PBX1: variants seen among roughly 807,000 people sequenced by gnomAD.
PBX1 encodes the protein PBX homeobox 1, also known as pre-B-cell leukemia transcription factor 1.
Under a neutral mutation model 53.4 loss-of-function variants are expected in PBX1, and 6 were observed. That is an observed-to-expected ratio of 0.11 (90% confidence interval 0.06 to 0.22). The LOEUF (loss-of-function observed/expected upper bound fraction) is 0.22. Among genes scored for constraint, PBX1 ranks in the 10% least tolerant of loss-of-function variants. The pLI is 1.00. For synonymous variants in PBX1, 204 were observed against 212.3 expected (o/e 0.96, Z 0.34); for missense variants, 251 against 551.4 (o/e 0.46, Z 5.46).
At chr1:164,778,464 G>A (rs950932095) in intron 2 of PBX1, among the ~76,000 whole-genome samples, 1 of 151,990 alleles carries the variant, frequency 6.6e-6, no homozygotes, top group African/African-American at 2.4e-5. Context: ...GGCAAAATAG[G>A]GAGGCCCTAT....
intron 2 of PBX1, among the ~76,000 whole-genome samples, chr1:164,607,893 T>TAAG (rs1656666360): frequency 6.6e-6 from 1 of 152,240 alleles, no homozygotes; most frequent in Non-Finnish European, 1.5e-5. Flanking sequence ...TCTGGGCTCT[T>TAAG]ATACTTCTAT....
intron 8 of PBX1, among the ~76,000 whole-genome samples, chr1:164,822,590 G>A (rs1346919483): frequency 2.6e-5 from 4 of 152,196 alleles, no homozygotes; most frequent in Admixed American, 2.6e-4. Flanking sequence ...CTCTTCAACT[G>A]CGTTGGTCAA....
At chr1:164,868,082 G>A (rs1351665675) in intron 2 of PBX1, among the ~76,000 whole-genome samples, 1 of 152,208 alleles carries the variant, frequency 6.6e-6, no homozygotes, top group Non-Finnish European at 1.5e-5. Flanking sequence ...CATGTGGGAG[G>A]AAGAAGAGAA....
intron 2 of PBX1, among the ~76,000 whole-genome samples, chr1:164,623,446 G>A (rs1353109427): frequency 6.6e-6 from 1 of 152,188 alleles, no homozygotes; most frequent in East Asian, 1.9e-4. Flanking sequence ...TCTTGTCTAG[G>A]AAATTTTTAA....
At chr1:164,678,613 A>G (rs1661573982) in intron 2 of PBX1, among the ~76,000 whole-genome samples, 1 of 152,184 alleles carries the variant, frequency 6.6e-6, no homozygotes, top group African/African-American at 2.4e-5. Flanking sequence ...GGCTAACCCC[A>G]CATCCCTGCA....
intron 2 of PBX1, among the ~76,000 whole-genome samples, chr1:164,616,797 T>C (rs1006128945): frequency 3.3e-5 from 5 of 152,258 alleles, no homozygotes; most frequent in Non-Finnish European, 7.3e-5. Context: ...ATACTCATCA[T>C]GTGCTAGGCA....
chr1:164,564,752 A>G (rs1215127502), intron 2 of PBX1, among the ~76,000 whole-genome samples: 1 of 151,964 alleles, frequency 6.6e-6, no homozygotes, highest in African/African-American at 2.4e-5. Context: ...AGTTTTTTCC[A>G]GTTTGTCACA....
At position 164,849,647 on chromosome 1, in the gene PBX1, A is replaced by C; in HGVS notation, c.*2971A>C. The stretch of plus-strand genomic sequence containing the variant: ...TTTGCCCACCTTGTAACTCTTCCTT[A>C]TCTCCTCCTTTTCATCCCTAATCCA... On this transcript the variant is annotated 3_prime_UTR_variant, in exon 9 of 9. Transcript: ENST00000420696. 2.2e-6 allele frequency: 1 copy of C among 459,166 alleles called. No individual in the cohort carries two copies. Among genetic ancestry groups the C allele is most frequent in the Non-Finnish European group, 3.8e-6 (1 of 263,004 alleles). 28.4% of individuals were successfully genotyped at this position (459,166 alleles called of 1,614,324 possible).
chr1:164,603,332 G>A (rs1192895265), intron 2 of PBX1, among the ~76,000 whole-genome samples: 1 of 152,162 alleles, frequency 6.6e-6, no homozygotes, highest in Non-Finnish European at 1.5e-5. Context: ...GAGTTAAACA[G>A]AATATGGAGA....
chr1:164,692,369 G>A (rs1030453083), intron 2 of PBX1, among the ~76,000 whole-genome samples: 1 of 152,102 alleles, frequency 6.6e-6, no homozygotes, highest in African/African-American at 2.4e-5. Flanking sequence ...AGTATAGCAG[G>A]CTTTTAACAA....
At chr1:164,759,095 C>T (rs1483387606) in intron 2 of PBX1, among the ~76,000 whole-genome samples, 2 of 152,262 alleles carry the variant, frequency 1.3e-5, no homozygotes, top group East Asian at 1.9e-4. Context: ...ATGCACTATA[C>T]AAAAATTCAC....
At chr1:164,640,374 A>G (rs1659045308) in intron 2 of PBX1, among the ~76,000 whole-genome samples, 1 of 151,986 alleles carries the variant, frequency 6.6e-6, no homozygotes, top group African/African-American at 2.4e-5. Flanking sequence ...ACATTGACCT[A>G]TTTCTCAGAA....
intron 2 of PBX1, among the ~76,000 whole-genome samples, chr1:164,614,975 A>G (rs1450935934): frequency 2.6e-5 from 4 of 152,118 alleles, no homozygotes; most frequent in African/African-American, 9.7e-5. Flanking sequence ...GGGTTTCACC[A>G]TGTTGACCAG....
At chr1:164,884,621 T>C in intron 2 of PBX1, 1 of 481,770 alleles carries the variant, frequency 2.1e-6, no homozygotes, top group Admixed American at 2.7e-5. Context: ...AGAAATGTCT[T>C]CCCCTATCTG....
At chr1:164,879,789 A>G (rs916139341) in intron 2 of PBX1, among the ~76,000 whole-genome samples, 3 of 152,212 alleles carry the variant, frequency 2.0e-5, no homozygotes, top group African/African-American at 7.2e-5. Context: ...AAATCTACTT[A>G]TTTTAACAAT....
chr1:164,646,428 G>A (rs1557913081), intron 2 of PBX1, among the ~76,000 whole-genome samples: 1 of 152,188 alleles, frequency 6.6e-6, no homozygotes, highest in South Asian at 2.1e-4. Flanking sequence ...ATCAACTAGA[G>A]GGTGGTTTTT....
chr1:164,815,789 C>G (rs558501773), intron 6 of PBX1: 2 of 152,168 alleles, frequency 1.3e-5, no homozygotes, highest in Non-Finnish European at 2.9e-5. Flanking sequence ...CCTGGTCTCT[C>G]CTTTGACCTG....
intron 2 of PBX1, among the ~76,000 whole-genome samples, chr1:164,568,408 T>G (rs1653586963): frequency 6.6e-6 from 1 of 152,200 alleles, no homozygotes; most frequent in African/African-American, 2.4e-5. Flanking sequence ...CAGCTCTTAT[T>G]CATTCTCTTA....
At chr1:164,656,816 A>G (rs1380326447) in intron 2 of PBX1, among the ~76,000 whole-genome samples, 2 of 152,128 alleles carry the variant, frequency 1.3e-5, no homozygotes, top group African/African-American at 4.8e-5. Context: ...TATGTTATAT[A>G]AATGATATTA....
Sources: allele counts gnomAD v4.1 joint callset (sites outside exome capture counted in the v4.1 genomes callset), GRCh38; gene constraint gnomAD v4.1.1; transcripts MANE v1.5; gene names NCBI Gene and HGNC (gene_info 2026-07-23, HGNC 2026-07-21).